The following CKAP5 variants were observed in gnomAD, a reference collection of about 807,000 sequenced individuals.
The protein encoded by CKAP5 is cytoskeleton associated protein 5, also known as cytoskeleton-associated protein 5.
In CKAP5, 27 loss-of-function variants were observed where a neutral mutation model predicts 232.8. The ratio of observed to expected loss-of-function variants is 0.12; its 90% CI spans 0.09 to 0.16. The LOEUF is 0.16. Ranked by LOEUF, CKAP5 falls within the 10% of genes least tolerant of loss-of-function variation. CKAP5 has a pLI of 1.00. For synonymous variants in CKAP5, 785 were observed against 841.1 expected, an observed-to-expected ratio of 0.93 and a Z score of 1.16; for missense variants, 1,838 against 2,424.7, an observed-to-expected ratio of 0.76 and a Z score of 5.08.
At chr11:46,787,149 C>A (rs983651952) in intron 16 of CKAP5, among the ~76,000 whole-genome samples, 1 of 151,902 alleles carries the variant, frequency 6.6e-6, no homozygotes, top group Non-Finnish European at 1.5e-5. Flanking sequence ...CTGAGTGAAG[C>A]CCTTTCTCAA....
At chr11:46,804,141 G>A (rs1939098808) in intron 8 of CKAP5, among the ~76,000 whole-genome samples, 2 of 152,184 alleles carry the variant, frequency 1.3e-5, no homozygotes, top group South Asian at 4.1e-4. Context: ...ACCAGTGGGA[G>A]CTAGACTCTA....
In CKAP5 at chr11:46,795,718, G is replaced by C. The variant is rs762569254; in HGVS notation, c.1526C>G (p.Ala509Gly). Reference protein sequence around the residue: ...LIHGKKAGLAADKKEFKPLPG... With the variant: ...LIHGKKAGLAGDKKEFKPLPG... The stretch of plus-strand genomic sequence containing the variant: ...CAGAGGTTTGAATTCCTTCTTATCA[G>C]CAGCTAGTCCAGCTTTCTTACCATG... Residue 509 changes from alanine to glycine, a missense_variant, in exon 13 of 44, where the codon GCT becomes GGT. Ala to Gly is a moderately conservative substitution (Grantham distance 60, BLOSUM62 0). This residue lies in a region of CKAP5 where 767 missense variants were observed against 954.6 expected (regional missense o/e 0.80). Transcript: ENST00000529230. 1 of 1,614,006 alleles carries C rather than the reference G, an allele frequency of 6.2e-7. No homozygotes were observed. The highest frequency in any genetic ancestry group is 1.1e-5 in the South Asian group (1 of 91,078).
At position 46,800,687 on chromosome 11, in the gene CKAP5, C is replaced by A. The variant is rs199597225; in HGVS notation, c.1083+513G>T. Among the ~76,000 whole-genome samples, 7 of 152,160 alleles carry A rather than the reference C, an allele frequency of 4.6e-5. No homozygotes were observed. The East Asian group carries it at 1.4e-3, about 29-fold the overall frequency. The stretch of plus-strand genomic sequence containing the variant: ...TTTGAATAAGTAAAACGGAGATAAC[C>A]TATATAAAATATATAACATTGTAAC... On this transcript the variant is annotated intron_variant, in intron 9 of 43. Coordinates refer to ENST00000529230, the MANE Select transcript of CKAP5 (RefSeq NM_001008938.4).
chr11:46,796,421 G>A (rs1368367186), intron 12 of CKAP5, among the ~76,000 whole-genome samples: 2 of 152,096 alleles, frequency 1.3e-5, no homozygotes, highest in Admixed American at 1.3e-4. Context: ...CTTCTCTACA[G>A]ATTGGTCACT....
intron 1 of CKAP5, among the ~76,000 whole-genome samples, chr11:46,828,374 T>C (rs767445944): frequency 6.2e-4 from 95 of 152,246 alleles, no homozygotes; most frequent in Non-Finnish European, 7.9e-4. Flanking sequence ...CTGTAAAGAA[T>C]ACCTCTGAAT....
At chr11:46,771,005 G>A (rs769357370) in intron 24 of CKAP5, 23 bp from the exon 25 acceptor site, 7 of 1,594,790 alleles carry the variant, frequency 4.4e-6, no homozygotes, top group Middle Eastern at 1.7e-4. Flanking sequence ...ATAAAGACTA[G>A]TTACACACTT....
At chr11:46,844,483 T>C (rs1226041112) in intron 1 of CKAP5, among the ~76,000 whole-genome samples, 3 of 152,190 alleles carry the variant, frequency 2.0e-5, no homozygotes, top group Non-Finnish European at 4.4e-5. Context: ...CTGTCAGTAG[T>C]AGAAGACTGC....
intron 1 of CKAP5, among the ~76,000 whole-genome samples, chr11:46,829,554 T>C (rs1939729020): frequency 6.6e-6 from 1 of 152,222 alleles, no homozygotes; most frequent in Non-Finnish European, 1.5e-5. Flanking sequence ...TCTGATTTTC[T>C]TAACATTTTC....
chr11:46,796,989 C>T (rs1938891828), intron 11 of CKAP5, 49 bp from the exon 12 acceptor site: 2 of 1,598,436 alleles, frequency 1.3e-6, no homozygotes, highest in Non-Finnish European at 8.5e-7. Context: ...GTATTTTAGG[C>T]ATTACTCATT....
intron 36 of CKAP5, 85 bp downstream of exon 36, chr11:46,754,803 G>A (rs552047457): frequency 3.4e-6 from 4 of 1,173,320 alleles, no homozygotes; most frequent in African/African-American, 1.5e-5. Flanking sequence ...AGGACTCACT[G>A]CAACATCTGC....
intron 1 of CKAP5, 44 bp from the exon 2 acceptor site, chr11:46,821,312 T>C: frequency 1.1e-6 from 1 of 882,680 alleles, no homozygotes; most frequent in Non-Finnish European, 1.8e-6. Context: ...CCAGGCAGTC[T>C]CTTAAGACAA....
chr11:46,761,248 C>CAAA (rs59147777), intron 32 of CKAP5, among the ~76,000 whole-genome samples: 1,186 of 85,276 alleles, frequency 0.014, 10 homozygotes, highest in Non-Finnish European at 0.022. Flanking sequence ...GACCCTGTCT[C>CAAA]AAAAAAAAAA....
chr11:46,836,494 C>T (rs1320884025), intron 1 of CKAP5, among the ~76,000 whole-genome samples: 1 of 152,088 alleles, frequency 6.6e-6, no homozygotes, highest in Admixed American at 6.5e-5. Context: ...GGGAGGATTG[C>T]TTGAGGCCAG....
intron 13 of CKAP5, among the ~76,000 whole-genome samples, chr11:46,792,461 G>T (rs948704549): frequency 6.6e-6 from 1 of 152,034 alleles, no homozygotes; most frequent in Admixed American, 6.6e-5. Context: ...GCTGAGGCAG[G>T]AGAATCACTT....
At position 46,743,704 on chromosome 11, in the gene CKAP5, A is replaced by G; in HGVS notation, c.*319T>C. The G allele has an allele frequency of 3.4e-6, 1 of 296,226 alleles. No homozygotes were observed. The highest frequency in any genetic ancestry group is 6.3e-6 in the Non-Finnish European group (1 of 158,094). 18.3% of individuals were successfully genotyped at this position (296,226 alleles called of 1,614,324 possible). A position where few individuals can be genotyped will look rare whatever the true frequency, so the allele number is the denominator to read the frequency against. ...ATATTAACTATTAAAAAGCTAGGAA[A>G]GATTAGGACAATTTTACAAATGAGC... On this transcript the variant is annotated 3_prime_UTR_variant, in exon 44 of 44. Transcript: ENST00000529230.
In CKAP5 at chr11:46,757,650, C is replaced by T. The variant is rs184651902; in HGVS notation, c.4689+1273G>A. On this transcript the variant is annotated intron_variant, in intron 35 of 43. Coordinates refer to ENST00000529230, the MANE Select transcript of CKAP5 (RefSeq NM_001008938.4). Reference sequence around the variant, plus strand: ...TCACCCAGGCTGGGGTACACTGGCACGATTTCGGCTCACTGCAACCTCTGC... The same window carrying T: ...TCACCCAGGCTGGGGTACACTGGCATGATTTCGGCTCACTGCAACCTCTGC... 7.7e-3 allele frequency among the ~76,000 whole-genome samples: 1,174 copies of T among 151,922 alleles called. 4 individuals are homozygous for T. Among genetic ancestry groups the T allele is most frequent in the Middle Eastern group, 0.017 (5 of 290 alleles).
chr11:46,753,743 C>A (rs891819074), intron 36 of CKAP5, among the ~76,000 whole-genome samples: 1 of 151,274 alleles, frequency 6.6e-6, no homozygotes, highest in Non-Finnish European at 1.5e-5. Context: ...CCCACCACCA[C>A]GCTGGGCTAA....
chr11:46,838,079 T>G (rs1939956693), intron 1 of CKAP5, among the ~76,000 whole-genome samples: 1 of 152,190 alleles, frequency 6.6e-6, no homozygotes, highest in South Asian at 2.1e-4. Flanking sequence ...GCATGTACCC[T>G]TGATATGATG....
chr11:46,807,994 C>T (rs773156740), intron 8 of CKAP5, 37 bp downstream of exon 8: 2 of 1,425,234 alleles, frequency 1.4e-6, no homozygotes, highest in Admixed American at 3.5e-5. Flanking sequence ...GGCCTGATGG[C>T]TGTTACAATA....
Sources: allele counts gnomAD v4.1 joint callset (sites outside exome capture counted in the v4.1 genomes callset), GRCh38; gene constraint gnomAD v4.1.1; regional missense constraint gnomAD v4.1.1; transcripts MANE v1.5; gene names NCBI Gene and HGNC (gene_info 2026-07-23, HGNC 2026-07-21).